Variants in NEMP2 observed in about 807,000 individuals in gnomAD.
NEMP2 encodes UPF0571 transmembrane protein.
NEMP2 carries 53 observed loss-of-function variants against 54.2 expected under a neutral mutation model. That is an observed-to-expected ratio of 0.98 (90% CI 0.78 to 1.23). The LOEUF (loss-of-function observed/expected upper bound fraction) is 1.23, where lower values mean the gene tolerates loss of function less well. Among genes scored for constraint, NEMP2 ranks in the 50% most tolerant of loss-of-function variants. The probability of loss-of-function intolerance (pLI) is 0.00; values close to 1 mark genes in which losing one functional copy is unlikely to be tolerated. For synonymous variants in NEMP2, 197 were observed against 190.3 expected, an observed-to-expected ratio of 1.04 and a Z score of -0.29; for missense variants, 455 against 511.3, an observed-to-expected ratio of 0.89 and a Z score of 1.06.
chr2:190,478,032 A>G, the NEMP2 span, among the ~76,000 whole-genome samples: 1 of 152,190 alleles, frequency 6.6e-6, no homozygotes, highest in Non-Finnish European at 1.5e-5. Context: ...CTAGGGCTTG[A>G]AGCATTTATC....
the NEMP2 span, among the ~76,000 whole-genome samples, chr2:190,495,169 A>T: frequency 6.6e-6 from 1 of 151,666 alleles, no homozygotes; most frequent in Non-Finnish European, 1.5e-5. The surrounding 1 kb of genome is among the most constrained non-coding windows in gnomAD (Gnocchi z 4.7). Context: ...ATACAAAATT[A>T]ATGTACACAA....
chr2:190,643,191 G>A, the NEMP2 span, among the ~76,000 whole-genome samples: 1 of 151,812 alleles, frequency 6.6e-6, no homozygotes, highest in Non-Finnish European at 1.5e-5. Context: ...CCTTCCAAGG[G>A]GGCTTACTGT....
At chr2:190,555,693 T>C in the NEMP2 span, among the ~76,000 whole-genome samples, 2 of 152,136 alleles carry the variant, frequency 1.3e-5, no homozygotes, top group East Asian at 3.9e-4. The surrounding 1 kb of genome is among the most constrained non-coding windows in gnomAD (Gnocchi z 4.8). Context: ...CTACATTAGA[T>C]TGTTGTACCT....
chr2:190,435,652 CAACTCTCTGTGTTTGGTTT>C, the NEMP2 span, among the ~76,000 whole-genome samples: 1 of 152,112 alleles, frequency 6.6e-6, no homozygotes, highest in African/African-American at 2.4e-5. Flanking sequence ...TGTTTATTTT[CAACTCTCTGTGTTTGGTTT>C]AGACATAATC....
chr2:190,423,479 G>A, the NEMP2 span, among the ~76,000 whole-genome samples: 2 of 152,172 alleles, frequency 1.3e-5, no homozygotes, highest in South Asian at 4.2e-4. This position sits in a 1 kb window ranked among gnomAD's most constrained non-coding sequence, Gnocchi z 4.3. Context: ...CCTTTTTATT[G>A]CTGCATAATA....
At chr2:190,468,446 G>C in the NEMP2 span, among the ~76,000 whole-genome samples, 1 of 149,008 alleles carries the variant, frequency 6.7e-6, no homozygotes, top group South Asian at 2.2e-4. Context: ...AGTGTTTATA[G>C]GAATGAATTT....
chr2:190,568,778 C>T, the NEMP2 span, among the ~76,000 whole-genome samples: 4 of 152,062 alleles, frequency 2.6e-5, no homozygotes, highest in South Asian at 2.1e-4. This position sits in a 1 kb window ranked among gnomAD's most constrained non-coding sequence, Gnocchi z 4.7. Context: ...GCCGAGATTG[C>T]GCCATTGCAC....
chr2:190,534,216 G>C, intron 1 of NEMP2: 1 of 1,076,672 alleles, frequency 9.3e-7, no homozygotes, highest in Non-Finnish European at 1.1e-6. Flanking sequence ...CTGGAGACTA[G>C]GGTCAGCTGT....
chr2:190,535,692 G>A (rs182319703), upstream of NEMP2, among the ~76,000 whole-genome samples: 41 of 152,286 alleles, frequency 2.7e-4, no homozygotes, highest in Non-Finnish European at 4.6e-4. Context: ...TCAAAGAAAG[G>A]TTTAACCAAC....
chr2:190,438,148 C>T, the NEMP2 span, among the ~76,000 whole-genome samples: 1 of 151,822 alleles, frequency 6.6e-6, no homozygotes, highest in South Asian at 2.1e-4. This position sits in a 1 kb window ranked among gnomAD's most constrained non-coding sequence, Gnocchi z 5.2. Context: ...TTCTGTCCAC[C>T]ATGAAGACAT....
At chr2:190,572,416 T>C in the NEMP2 span, among the ~76,000 whole-genome samples, 3 of 152,094 alleles carry the variant, frequency 2.0e-5, no homozygotes, top group Non-Finnish European at 4.4e-5. Flanking sequence ...AACTGGGAAG[T>C]TACACACATT....
the NEMP2 span, among the ~76,000 whole-genome samples, chr2:190,558,579 G>A: frequency 1.3e-5 from 2 of 152,190 alleles, no homozygotes; most frequent in South Asian, 2.1e-4. This position sits in a 1 kb window ranked among gnomAD's most constrained non-coding sequence, Gnocchi z 4.4. Context: ...TGTTATAGCT[G>A]GTAATAATAC....
At chr2:190,515,418 T>C (rs1045664513) in intron 6 of NEMP2, among the ~76,000 whole-genome samples, 17 of 152,190 alleles carry the variant, frequency 1.1e-4, no homozygotes, top group African/African-American at 4.1e-4. Context: ...AGATACTAAA[T>C]GTGGTTCTGG....
the NEMP2 span, among the ~76,000 whole-genome samples, chr2:190,479,788 A>AGGTCTG: frequency 1.3e-5 from 2 of 152,136 alleles, no homozygotes; most frequent in Non-Finnish European, 2.9e-5. Context: ...AGTGAAAACG[A>AGGTCTG]GGTCTGGGTC....
At chr2:190,612,821 A>G in the NEMP2 span, among the ~76,000 whole-genome samples, 362 of 152,278 alleles carry the variant, frequency 2.4e-3, 5 homozygotes, top group Non-Finnish European at 2.8e-3. Flanking sequence ...CTTGTTTTAT[A>G]TATAAAAAAC....
the NEMP2 span, chr2:190,477,459 G>A: frequency 6.7e-6 from 5 of 745,982 alleles, no homozygotes; most frequent in East Asian, 5.2e-4. Flanking sequence ...TTTAAAATGA[G>A]TTAGGTGGAA....
At chr2:190,591,631 G>T in the NEMP2 span, among the ~76,000 whole-genome samples, 1 of 152,186 alleles carries the variant, frequency 6.6e-6, no homozygotes, top group African/African-American at 2.4e-5. This position sits in a 1 kb window ranked among gnomAD's most constrained non-coding sequence, Gnocchi z 5.4. Flanking sequence ...TAGTCAATAT[G>T]TGACAGTTCT....
At chr2:190,637,206 T>C in the NEMP2 span, among the ~76,000 whole-genome samples, 3 of 152,240 alleles carry the variant, frequency 2.0e-5, no homozygotes, top group South Asian at 6.2e-4. The surrounding 1 kb of genome is among the most constrained non-coding windows in gnomAD (Gnocchi z 4.5). Context: ...AAATGTGCAG[T>C]TCAATGATTA....
the NEMP2 span, among the ~76,000 whole-genome samples, chr2:190,497,247 A>G: frequency 6.6e-6 from 1 of 152,176 alleles, no homozygotes; most frequent in Admixed American, 6.5e-5. This position sits in a 1 kb window ranked among gnomAD's most constrained non-coding sequence, Gnocchi z 5.2. Flanking sequence ...AAGAGACCCA[A>G]AGATAAACAT....
Sources: allele counts gnomAD v4.1 joint callset (sites outside exome capture counted in the v4.1 genomes callset), GRCh38; gene constraint gnomAD v4.1.1; non-coding constraint Gnocchi (gnomAD v3.1); transcripts MANE v1.5; gene names NCBI Gene and HGNC (gene_info 2026-07-23, HGNC 2026-07-21).